Variants in GIPC3 observed in about 807,000 individuals in gnomAD.
The protein encoded by GIPC3 is GIPC PDZ domain containing family member 3.
A neutral mutation model predicts 27.3 loss-of-function variants in GIPC3; 16 were observed. The observed-to-expected ratio is 0.59, with a 90% confidence interval of 0.40 to 0.89. GIPC3 has a LOEUF of 0.89. Among genes scored for constraint, GIPC3 ranks in the 40% least tolerant of loss-of-function variants. The pLI is 0.00. For synonymous variants in GIPC3, 194 were observed against 184.6 expected (o/e 1.05, Z -0.41); for missense variants, 440 against 442.1 (o/e 1.00, Z 0.04).
intron 4 of GIPC3, 25 bp from the exon 5 acceptor site, chr19:3,589,804 CCT>C (rs2032446177): frequency 1.2e-6 from 2 of 1,610,080 alleles, no homozygotes; most frequent in Non-Finnish European, 1.7e-6. Context: ...GCTTTTCACC[CCT>C]GACTTCCCTC....
chr19:3,587,569 A>G (rs894682652), intron 3 of GIPC3, among the ~76,000 whole-genome samples: 3 of 152,008 alleles, frequency 2.0e-5, no homozygotes, highest in Admixed American at 2.0e-4. Context: ...GGCGTGAGCC[A>G]CCGCGCGCAG....
chr19:3,591,637 A>C lies in GIPC3; in HGVS notation c.*1447A>C. Reference sequence around the variant, plus strand: ...CAGACCAGCTCAGAAACCCAGGTCCACACGGCTGCCCAGTCCAGATCCCAA... The same window carrying C: ...CAGACCAGCTCAGAAACCCAGGTCCCCACGGCTGCCCAGTCCAGATCCCAA... On this transcript the variant is annotated 3_prime_UTR_variant, in exon 6 of 6. Coordinates refer to ENST00000644452, the MANE Select transcript of GIPC3 (RefSeq NM_133261.3). 8.1e-7 allele frequency: 1 copy of C among 1,233,790 alleles called. No homozygotes were observed. The highest frequency in any genetic ancestry group is 1.0e-6 in the Non-Finnish European group (1 of 989,404). 76.4% of individuals were successfully genotyped at this position (1,233,790 alleles called of 1,614,324 possible). A position where few individuals can be genotyped will look rare whatever the true frequency, so the allele number is the denominator to read the frequency against.
At chr19:3,589,411 C>G in intron 3 of GIPC3, 32 bp from the exon 4 acceptor site, 1 of 1,521,088 alleles carries the variant, frequency 6.6e-7, no homozygotes, top group South Asian at 1.1e-5. Flanking sequence ...CCACCCAGAA[C>G]CCATGGCCAT....
rs2032514984 is a variant in GIPC3, at chr19:3,592,961, C to A, written c.*2771C>A. On this transcript the variant is annotated 3_prime_UTR_variant, in exon 6 of 6. Transcript: ENST00000644452. ...CATCCCCCAGAGACCCCACCCCAGC[C>A]CCTAGCAAAGACCCCCAGCCTCTGC... is the stretch of plus-strand genomic sequence containing the variant. The A allele has an allele frequency of 1.6e-6, 2 of 1,225,856 alleles. No individual in the cohort carries two copies. The highest frequency in any genetic ancestry group is 1.6e-5 in the African/African-American group (1 of 63,988). The allele number at this position is 1,225,856 out of a possible 1,614,324, so 75.9% of individuals were successfully genotyped here. A position where few individuals can be genotyped will look rare whatever the true frequency, so the allele number is the denominator to read the frequency against.
chr19:3,593,161 T>C lies in GIPC3; in HGVS notation c.*2971T>C, dbSNP rs2032521597. 10 of 1,232,278 alleles carry C rather than the reference T, an allele frequency of 8.1e-6. No homozygotes were observed. In the South Asian group the frequency reaches 3.3e-4, roughly 41 times the overall value. The allele number at this position is 1,232,278 out of a possible 1,614,324, so 76.3% of individuals were successfully genotyped here. A position where few individuals can be genotyped will look rare whatever the true frequency, so the allele number is the denominator to read the frequency against. ...AAGTCCACCCCACCCACCATATCTG[T>C]CACTCCTAGTCCTGCCCCTAGGGCA... On this transcript the variant is annotated 3_prime_UTR_variant, in exon 6 of 6. Coordinates refer to ENST00000644452, the MANE Select transcript of GIPC3 (RefSeq NM_133261.3).
At position 3,590,030 on chromosome 19, in the gene GIPC3, G is replaced by A. The variant is rs201619343; in HGVS notation, c.788-9G>A. On this transcript the variant is annotated splice_polypyrimidine_tract_variant and intron_variant, in intron 5 of 5. Transcript: ENST00000644452. ...CCCTCACTGACATCCCCTCTGGCAC[G>A]GCCCGCAGCGTCCACCATGGTGGAG... The A allele has an allele frequency of 1.5e-5, 24 of 1,612,606 alleles. No homozygotes were observed. The highest frequency in any genetic ancestry group is 3.3e-5 in the Admixed American group (2 of 59,732).
At chr19:3,586,727 G>A (rs567549706) in intron 2 of GIPC3, 47 bp downstream of exon 2, 44 of 1,593,962 alleles carry the variant, frequency 2.8e-5, no homozygotes, top group Non-Finnish European at 3.4e-5. Context: ...TCCAGCAACT[G>A]CCCCCCCCAC....
Position 3,587,104 on chromosome 19 carries a change from G to A in GIPC3, c.592+110G>A. 4.2e-6 allele frequency: 4 copies of A among 961,552 alleles called. No individual in the cohort carries two copies. The South Asian group carries it at 6.0e-5, about 14-fold the overall frequency. The allele number at this position is 961,552 out of a possible 1,614,324, so 59.6% of individuals were successfully genotyped here. A position where few individuals can be genotyped will look rare whatever the true frequency, so the allele number is the denominator to read the frequency against. On this transcript the variant is annotated intron_variant, in intron 3 of 5. Coordinates refer to ENST00000644452, the MANE Select transcript of GIPC3 (RefSeq NM_133261.3). ...CTGGAAGGTTCTAGGTGCACCCGCT[G>A]CGTGCCAAGGAGCTCCTGGCAGGGT... is the stretch of plus-strand genomic sequence containing the variant.
At chr19:3,589,603 C>T in intron 4 of GIPC3, 48 bp downstream of exon 4, 1 of 1,472,412 alleles carries the variant, frequency 6.8e-7, no homozygotes, top group Non-Finnish European at 9.5e-7. Context: ...CCTTCAGCTC[C>T]TCCACTGAGT....
chr19:3,590,175 A>G lies in GIPC3; in HGVS notation c.924A>G (p.Arg308=). 6.2e-7 allele frequency: 1 copy of G among 1,603,136 alleles called. No homozygotes were observed. Among genetic ancestry groups the G allele is most frequent in the South Asian group, 1.1e-5 (1 of 89,202 alleles). Residue 308 remains arginine, a synonymous_variant, in exon 6 of 6, where the codon AGA becomes AGG. Transcript: ENST00000644452. ...TGTGGGCCGCCATCGGCGAGGCCAG[A>G]GAGGCCTGTGGCTAGTTTGCCCTGG... is the stretch of plus-strand genomic sequence containing the variant. ...VEVWAAIGEA[R]EACG
At position 3,585,617 on chromosome 19, in the gene GIPC3, G is replaced by A. The variant is rs998073430; in HGVS notation, c.20G>A (p.Arg7Gln). Residue 7 changes from arginine (R) to glutamine (Q), a missense_variant, in exon 1 of 6, where the codon CGG becomes CAG. Coordinates refer to ENST00000644452, the MANE Select transcript of GIPC3 (RefSeq NM_133261.3). MEGAAA[R>Q]EARGTETPRA... ...CCCGCCATGGAGGGAGCAGCGGCCCGGGAGGCCCGGGGGACCGAGACCCCG... is the reference window on the plus strand; with the variant it reads ...CCCGCCATGGAGGGAGCAGCGGCCCAGGAGGCCCGGGGGACCGAGACCCCG... The A allele has an allele frequency of 6.7e-5, 78 of 1,164,310 alleles. No homozygotes were observed. In the African/African-American group the frequency reaches 1.0e-3, roughly 15 times the overall value. The allele number at this position is 1,164,310 out of a possible 1,614,324, so 72.1% of individuals were successfully genotyped here.
rs567549760 is a variant in GIPC3, at chr19:3,592,180, C to A, written c.*1990C>A. The stretch of plus-strand genomic sequence containing the variant: ...TCTAGTTCCGACAGCAGGTCCAGCT[C>A]CAGGACCCAGCGCTGCCCAGGAGCT... On this transcript the variant is annotated 3_prime_UTR_variant, in exon 6 of 6. Coordinates refer to ENST00000644452, the MANE Select transcript of GIPC3 (RefSeq NM_133261.3). 6 of 1,231,980 alleles carry A rather than the reference C, an allele frequency of 4.9e-6. No individual in the cohort carries two copies. Among genetic ancestry groups the A allele is most frequent in the Non-Finnish European group, 6.1e-6 (6 of 988,030 alleles). The allele number at this position is 1,231,980 out of a possible 1,614,324, so 76.3% of individuals were successfully genotyped here.
chr19:3,586,427 G>C lies in GIPC3; in HGVS notation c.226-68G>C, dbSNP rs1017638067. 3.5e-6 allele frequency: 5 copies of C among 1,442,364 alleles called. No homozygotes were observed. The Admixed American group carries it at 7.2e-5, about 21-fold the overall frequency. The allele number at this position is 1,442,364 out of a possible 1,614,324, so 89.3% of individuals were successfully genotyped here. ...CTGGTCGCTGGGGGCAGGGGCCTGC[G>C]CAGACAGGGTGGCTGCGTGGGGGGA... On this transcript the variant is annotated intron_variant, in intron 1 of 5. Coordinates refer to ENST00000644452, the MANE Select transcript of GIPC3 (RefSeq NM_133261.3).
At chr19:3,590,008 T>C (rs755235018) in intron 5 of GIPC3, 31 bp from the exon 6 acceptor site, 1 of 1,613,058 alleles carries the variant, frequency 6.2e-7, no homozygotes, top group Non-Finnish European at 8.5e-7. Context: ...GGGAGTGCCC[T>C]CACTGACATC....
Position 3,592,568 on chromosome 19 carries a change from G to A in GIPC3, c.*2378G>A, listed in dbSNP as rs1405114674. ...GAACCCAGTCCAGTCCTGAGACCAG[G>A]CTCAGCTCTGAGGCTCAGTCCAGCT... On this transcript the variant is annotated 3_prime_UTR_variant, in exon 6 of 6. Coordinates refer to ENST00000644452, the MANE Select transcript of GIPC3 (RefSeq NM_133261.3). 6.5e-6 allele frequency: 8 copies of A among 1,231,578 alleles called. No individual in the cohort carries two copies. Among genetic ancestry groups the A allele is most frequent in the Non-Finnish European group, 8.1e-6 (8 of 987,884 alleles). The allele number at this position is 1,231,578 out of a possible 1,614,324, so 76.3% of individuals were successfully genotyped here. A position where few individuals can be genotyped will look rare whatever the true frequency, so the allele number is the denominator to read the frequency against.
chr19:3,590,072 C>A lies in GIPC3; in HGVS notation c.821C>A (p.Ala274Glu), dbSNP rs149028750. ...ATGGTGGAGACGTCCAAGAAGACAGCGAGCGCCCAGGAGTTTGCACGCTGT... is the reference window on the plus strand; with the variant it reads ...ATGGTGGAGACGTCCAAGAAGACAGAGAGCGCCCAGGAGTTTGCACGCTGT... Reference protein sequence around the residue: ...STMVETSKKTASAQEFARCLD... With the variant: ...STMVETSKKTESAQEFARCLD... The change falls in exon 6 of 6, where the codon GCG (alanine) becomes GAG (glutamate). Residue 274 changes from alanine (A) to glutamate (E), a missense_variant. By Grantham distance (107) the Ala-to-Glu change is moderately radical (BLOSUM62 -1). Transcript: ENST00000644452. The A allele has an allele frequency of 5.6e-6, 9 of 1,611,460 alleles. No homozygotes were observed. In the African/African-American group the frequency reaches 9.3e-5, roughly 17 times the overall value.
chr19:3,593,055 T>C lies in GIPC3; in HGVS notation c.*2865T>C, dbSNP rs898384479. On this transcript the variant is annotated 3_prime_UTR_variant, in exon 6 of 6. Coordinates refer to ENST00000644452, the MANE Select transcript of GIPC3 (RefSeq NM_133261.3). ...CCCCATCCCAGGCTTACCCCAAGCC[T>C]CCTACCTGGCCCCACAGTCACAGGT... 2.4e-5 allele frequency: 30 copies of C among 1,225,600 alleles called. No homozygotes were observed. In the African/African-American group the frequency reaches 4.5e-4, roughly 18 times the overall value. The allele number at this position is 1,225,600 out of a possible 1,614,324, so 75.9% of individuals were successfully genotyped here.
chr19:3,586,731 C>G (rs772300090), intron 2 of GIPC3, 51 bp downstream of exon 2: 15 of 1,609,966 alleles, frequency 9.3e-6, no homozygotes, highest in African/African-American at 1.3e-5. Context: ...GCAACTGCCC[C>G]CCCCACTCTG....
rs10410259 is a variant in GIPC3 at position 3,592,733 on chromosome 19, C to T, written c.*2543C>T. The T allele has an allele frequency of 0.44, 543,710 of 1,231,102 alleles. 123,639 individuals carry two copies. Among genetic ancestry groups the T allele is most frequent in the Non-Finnish European group, 0.46 (458,323 of 987,582 alleles). The allele number at this position is 1,231,102 out of a possible 1,614,324, so 76.3% of individuals were successfully genotyped here. ...CCGGGCTCAGCTCTGAAACCCAGACCGGCTCAAGAATTCAGCCCAGCCCTG... is the reference window on the plus strand; with the variant it reads ...CCGGGCTCAGCTCTGAAACCCAGACTGGCTCAAGAATTCAGCCCAGCCCTG... On this transcript the variant is annotated 3_prime_UTR_variant, in exon 6 of 6. Coordinates refer to ENST00000644452, the MANE Select transcript of GIPC3 (RefSeq NM_133261.3).
Sources: gnomAD v4.1 joint callset for allele counts (sites outside exome capture counted in the v4.1 genomes callset) on GRCh38, gnomAD v4.1.1 for gene constraint, MANE v1.5 for transcripts, NCBI Gene and HGNC (gene_info 2026-07-23, HGNC 2026-07-21) for gene names.